The following LARGE1 variants were observed in gnomAD, a reference collection of about 807,000 sequenced individuals.
The protein encoded by LARGE1 is LARGE xylosyl- and glucuronyltransferase 1.
A neutral mutation model predicts 87.6 loss-of-function variants in LARGE1; 43 were observed. That is an observed-to-expected ratio of 0.49 (90% confidence interval 0.38 to 0.63). The LOEUF is 0.63. LARGE1 is among the 30% of genes least tolerant of loss of function. LARGE1 has a pLI of 0.00. For missense variants in LARGE1, 802 were observed against 1,000.2 expected, an observed-to-expected ratio of 0.80 and a Z score of 2.67; for synonymous variants, 434 against 394.6, an observed-to-expected ratio of 1.10 and a Z score of -1.18.
intron 1 of LARGE1, among the ~76,000 whole-genome samples, chr22:33,914,725 C>T (rs913644071): frequency 1.3e-5 from 2 of 152,100 alleles, no homozygotes; most frequent in Admixed American, 6.5e-5. Flanking sequence ...AAGGAGAAAA[C>T]TAGACAACCT....
intron 4 of LARGE1, among the ~76,000 whole-genome samples, chr22:33,607,117 A>G (rs1432972526): frequency 6.6e-6 from 1 of 152,156 alleles, no homozygotes; most frequent in Non-Finnish European, 1.5e-5. Flanking sequence ...AGATGTAGAC[A>G]TGTCATTTAG....
chr22:33,122,121 T>G, the LARGE1 span, among the ~76,000 whole-genome samples: 16 of 152,308 alleles, frequency 1.1e-4, no homozygotes, highest in Admixed American at 9.8e-4. Flanking sequence ...GATTTTAATC[T>G]TTCCCCTGAG....
At chr22:33,384,325 A>T in intron 7 of LARGE1, 21 bp from the exon 8 acceptor site, 12 of 1,561,010 alleles carry the variant, frequency 7.7e-6, no homozygotes, top group Non-Finnish European at 1.1e-5. Context: ...GCACAGGATA[A>T]AAGAGAAAAT....
At chr22:33,768,104 T>C (rs1170202347) in intron 1 of LARGE1, among the ~76,000 whole-genome samples, 3 of 152,048 alleles carry the variant, frequency 2.0e-5, no homozygotes, top group African/African-American at 7.2e-5. Context: ...GGTCAGGAGA[T>C]TGAGACCATC....
At chr22:33,674,904 G>A (rs1024408916) in intron 2 of LARGE1, among the ~76,000 whole-genome samples, 1 of 152,034 alleles carries the variant, frequency 6.6e-6, no homozygotes, top group Admixed American at 6.6e-5. Flanking sequence ...AGTTTCAAAT[G>A]AGGAGAGGGA....
intron 6 of LARGE1, among the ~76,000 whole-genome samples, chr22:33,484,484 T>C (rs113486903): frequency 1.3e-5 from 2 of 152,220 alleles, no homozygotes; most frequent in Non-Finnish European, 2.9e-5. Context: ...TTAGAGTTTC[T>C]GCATCTTAAA....
intron 5 of LARGE1, among the ~76,000 whole-genome samples, chr22:33,597,080 G>C (rs2078996330): frequency 6.6e-6 from 1 of 152,070 alleles, no homozygotes; most frequent in African/African-American, 2.4e-5. Flanking sequence ...AGCTTCACTG[G>C]AGCTGCTCCA....
intron 4 of LARGE1, among the ~76,000 whole-genome samples, chr22:33,620,258 A>G (rs2079706173): frequency 1.3e-5 from 2 of 152,358 alleles, no homozygotes; most frequent in African/African-American, 4.8e-5. Flanking sequence ...TAGAGTGTGA[A>G]AGCAGATCAT....
At chr22:33,825,841 T>G (rs1463808480) in intron 1 of LARGE1, among the ~76,000 whole-genome samples, 1 of 151,922 alleles carries the variant, frequency 6.6e-6, no homozygotes, top group African/African-American at 2.4e-5. Flanking sequence ...GCTGCTACAT[T>G]CCCCAGCTGC....
chr22:33,631,789 A>G (rs2080118464), intron 3 of LARGE1, among the ~76,000 whole-genome samples: 1 of 152,242 alleles, frequency 6.6e-6, no homozygotes, highest in South Asian at 2.1e-4. Flanking sequence ...ACTGTACATA[A>G]TTGCGCTATA....
chr22:33,639,107 T>C (rs1197548586), intron 3 of LARGE1, among the ~76,000 whole-genome samples: 2 of 152,218 alleles, frequency 1.3e-5, no homozygotes, highest in Admixed American at 6.5e-5. Context: ...GCTTCCTTTC[T>C]GCCTTGCTTA....
the LARGE1 span, among the ~76,000 whole-genome samples, chr22:33,142,348 C>T: frequency 1.3e-5 from 2 of 152,024 alleles, no homozygotes; most frequent in African/African-American, 4.8e-5. Flanking sequence ...CTCGCATTCC[C>T]CCAAACCCCT....
intron 11 of LARGE1, among the ~76,000 whole-genome samples, chr22:33,242,317 C>T (rs1004528070): frequency 1.3e-5 from 2 of 152,040 alleles, no homozygotes; most frequent in Non-Finnish European, 1.5e-5. Context: ...TATCCCTTAA[C>T]CAAATTCAAT....
chr22:33,541,201 G>GAA (rs11368503), intron 6 of LARGE1, among the ~76,000 whole-genome samples: 12,609 of 133,560 alleles, frequency 0.094, 1,058 homozygotes, highest in African/African-American at 0.22. Flanking sequence ...GGGAAAAAAA[G>GAA]AAAAAAAAAA....
chr22:33,754,121 G>C (rs377469490), intron 2 of LARGE1, among the ~76,000 whole-genome samples: 2 of 152,130 alleles, frequency 1.3e-5, no homozygotes, highest in East Asian at 3.9e-4. Flanking sequence ...GCAAATAATT[G>C]GGATAGACTT....
Position 33,831,990 on chromosome 22 carries a change from G to A in LARGE1, c.-82-70432C>T, listed in dbSNP as rs538641897. ...AAACGTTTCTCACCTTTCTGTTCCTGCAGTTCCCACTGGCTGCAAAGCCCT... is the reference window on the plus strand; with the variant it reads ...AAACGTTTCTCACCTTTCTGTTCCTACAGTTCCCACTGGCTGCAAAGCCCT... On this transcript the variant is annotated intron_variant, in intron 1 of 14. Coordinates refer to ENST00000397394, the MANE Select transcript of LARGE1 (RefSeq NM_133642.5). 5.3e-5 allele frequency among the ~76,000 whole-genome samples: 8 copies of A among 152,292 alleles called. No individual in the cohort carries two copies. The East Asian group carries it at 1.4e-3, about 26-fold the overall frequency.
chr22:33,348,132 G>A (rs530116469), intron 9 of LARGE1, among the ~76,000 whole-genome samples: 8 of 152,232 alleles, frequency 5.3e-5, no homozygotes, highest in South Asian at 2.1e-4. Flanking sequence ...GGAGTGACCC[G>A]AAAAGGGGAC....
chr22:33,841,046 G>A (rs1356292380), intron 1 of LARGE1, among the ~76,000 whole-genome samples: 1 of 152,184 alleles, frequency 6.6e-6, no homozygotes, highest in African/African-American at 2.4e-5. Flanking sequence ...GGCTTAGGTT[G>A]CATGATTTTG....
At chr22:33,457,802 C>A (rs1015319937) in intron 6 of LARGE1, among the ~76,000 whole-genome samples, 1 of 152,062 alleles carries the variant, frequency 6.6e-6, no homozygotes, top group Non-Finnish European at 1.5e-5. Flanking sequence ...AGGTAGAAGG[C>A]CTTCCAGGCT....
Sources: gnomAD v4.1 joint callset for allele counts (sites outside exome capture counted in the v4.1 genomes callset) on GRCh38, gnomAD v4.1.1 for gene constraint, MANE v1.5 for transcripts, NCBI Gene and HGNC (gene_info 2026-07-23, HGNC 2026-07-21) for gene names.